Variants in SRSF3 observed in about 807,000 individuals in gnomAD.
SRSF3 encodes the protein serine/arginine-rich splicing factor 3.
For missense variants in SRSF3, 58 were observed against 217.1 expected (o/e 0.27, Z 4.61); for synonymous variants, 87 against 73.6 (o/e 1.18, Z -0.93).
intron 1 of SRSF3, among the ~76,000 whole-genome samples, chr6:36,594,963 C>T (rs1245928142): frequency 6.6e-6 from 1 of 152,156 alleles, no homozygotes; most frequent in South Asian, 2.1e-4. Context: ...GAAAGATCTT[C>T]CTTGAACTTA....
Position 36,603,698 on chromosome 6 carries a change from T to C in SRSF3, c.*1709T>C. On this transcript the variant is annotated 3_prime_UTR_variant, in exon 6 of 6. Transcript: ENST00000373715. ...GTTTATTTACTGAGAGCTCTGGCAT[T>C]GGGCATTTTGTCTTTAGTATTCTCA... 8.7e-6 allele frequency: 2 copies of C among 230,788 alleles called. No individual in the cohort carries two copies. Among genetic ancestry groups the C allele is most frequent in the East Asian group, 1.2e-4 (2 of 16,180 alleles). 14.3% of individuals were successfully genotyped at this position (230,788 alleles called of 1,614,324 possible).
Position 36,602,354 on chromosome 6 carries a change from AT to A in SRSF3, c.*368del, listed in dbSNP as rs1778731754. On this transcript the variant is annotated 3_prime_UTR_variant, in exon 6 of 6. Transcript: ENST00000373715. ...AACAACTGGCAAAAATTGAACTAAG[AT>A]TTACTTTTTTTTCCATAGCTGGGAT... is the stretch of plus-strand genomic sequence containing the variant. 1 of 266,464 alleles carries A rather than the reference AT, an allele frequency of 3.8e-6. No individual in the cohort carries two copies. The allele number at this position is 266,464 out of a possible 1,614,324, so 16.5% of individuals were successfully genotyped here.
At chr6:36,599,150 G>T (rs1228532765) in intron 3 of SRSF3, among the ~76,000 whole-genome samples, 167 bp downstream of exon 3, 2 of 152,140 alleles carry the variant, frequency 1.3e-5, no homozygotes, top group Non-Finnish European at 2.9e-5. Flanking sequence ...GCTGAGTGTT[G>T]GCTTTTGTCT....
In SRSF3 at chr6:36,601,994, C is replaced by T. The variant is rs201288408; in HGVS notation, c.*5C>T. The T allele has an allele frequency of 2.8e-5, 43 of 1,540,840 alleles. No homozygotes were observed. The Admixed American group carries it at 6.8e-4, about 24-fold the overall frequency. On this transcript the variant is annotated 3_prime_UTR_variant, in exon 6 of 6. Coordinates refer to ENST00000373715, the MANE Select transcript of SRSF3 (RefSeq NM_003017.5). ...AGGTCAAATGAAAGGAAATAGAAGA[C>T]AGTTTGCAAGAGAAGTGGTGTACAG... is the stretch of plus-strand genomic sequence containing the variant.
At chr6:36,595,488 T>TA (rs1284497892) in intron 1 of SRSF3, among the ~76,000 whole-genome samples, 2 of 152,206 alleles carry the variant, frequency 1.3e-5, no homozygotes, top group Non-Finnish European at 1.5e-5. Context: ...ATTGAGCACT[T>TA]ACTCCCAGAT....
intron 3 of SRSF3, chr6:36,600,388 G>GT (rs1778692501): frequency 1.6e-6 from 1 of 612,538 alleles, no homozygotes; most frequent in Non-Finnish European, 2.1e-6. Context: ...GAATGGTAAC[G>GT]TACATATATA....
intron 3 of SRSF3, chr6:36,599,984 G>A: frequency 3.1e-6 from 4 of 1,287,206 alleles, no homozygotes; most frequent in Non-Finnish European, 3.0e-6. Context: ...TGGTTCCCGA[G>A]CATGCTGTTT....
intron 3 of SRSF3, 51 bp from the exon 4 acceptor site, chr6:36,601,101 G>T: frequency 1.4e-6 from 2 of 1,440,118 alleles, no homozygotes; most frequent in Non-Finnish European, 1.9e-6. Flanking sequence ...AATGCCTCAC[G>T]CCATAAATAC....
intron 2 of SRSF3, among the ~76,000 whole-genome samples, chr6:36,597,396 G>T (rs142213392): frequency 4.1e-4 from 63 of 152,018 alleles, no homozygotes; most frequent in Admixed American, 9.2e-4. Context: ...GGGAGCCACT[G>T]TGCCCAGCCA....
At chr6:36,596,668 T>C (rs1778635593) in intron 1 of SRSF3, 93 bp from the exon 2 acceptor site, 2 of 1,167,568 alleles carry the variant, frequency 1.7e-6, no homozygotes, top group Non-Finnish European at 2.5e-6. Flanking sequence ...CCTTAAACTC[T>C]CTTGTCCTCT....
At position 36,605,307 on chromosome 6, in the gene SRSF3, T is replaced by C. The variant is rs922130376; in HGVS notation, c.*3318T>C. On this transcript the variant is annotated 3_prime_UTR_variant, in exon 6 of 6. Coordinates refer to ENST00000373715, the MANE Select transcript of SRSF3 (RefSeq NM_003017.5). ...GAGTTGGAGACCAGCTTGGTCAACA[T>C]GGTGAAACCCCGTCTCTACTAACAG... is the stretch of plus-strand genomic sequence containing the variant. 1.3e-5 allele frequency: 2 copies of C among 152,054 alleles called. No homozygotes were observed. The highest frequency in any genetic ancestry group is 4.8e-5 in the African/African-American group (2 of 41,378). The allele number at this position is 152,054 out of a possible 1,614,324, so 9.4% of individuals were successfully genotyped here.
chr6:36,603,697 T>C lies in SRSF3; in HGVS notation c.*1708T>C, dbSNP rs563588673. The C allele has an allele frequency of 4.3e-6, 1 of 230,644 alleles. No individual in the cohort carries two copies. The highest frequency in any genetic ancestry group is 2.2e-5 in the African/African-American group (1 of 45,334). The allele number at this position is 230,644 out of a possible 1,614,324, so 14.3% of individuals were successfully genotyped here. On this transcript the variant is annotated 3_prime_UTR_variant, in exon 6 of 6. Coordinates refer to ENST00000373715, the MANE Select transcript of SRSF3 (RefSeq NM_003017.5). ...TGTTTATTTACTGAGAGCTCTGGCATTGGGCATTTTGTCTTTAGTATTCTC... is the reference window on the plus strand; with the variant it reads ...TGTTTATTTACTGAGAGCTCTGGCACTGGGCATTTTGTCTTTAGTATTCTC...
intron 2 of SRSF3, chr6:36,597,188 C>T (rs1239839112): frequency 1.6e-5 from 9 of 560,964 alleles, no homozygotes; most frequent in Non-Finnish European, 2.5e-5. Context: ...TCCCCGCAAC[C>T]TCGGCCTCCG....
chr6:36,599,059 T>A, intron 3 of SRSF3, 76 bp downstream of exon 3: 2 of 1,540,104 alleles, frequency 1.3e-6, no homozygotes, highest in Non-Finnish European at 1.8e-6. Context: ...CTCTTAAGTT[T>A]GTTGGTGGGT....
chr6:36,595,669 C>A (rs767339457), intron 1 of SRSF3, among the ~76,000 whole-genome samples: 1 of 152,186 alleles, frequency 6.6e-6, no homozygotes, highest in Non-Finnish European at 1.5e-5. Flanking sequence ...GTCAGTACAT[C>A]ATTCTGAATA....
In SRSF3 at chr6:36,603,775, T is replaced by TA; in HGVS notation, c.*1787dup. On this transcript the variant is annotated 3_prime_UTR_variant, in exon 6 of 6. Transcript: ENST00000373715. ...GAACAAGCCAAGATAGCTAAGAAGTTACGGAAGCCATGCAATATGTCAATT... is the reference window on the plus strand; with the variant it reads ...GAACAAGCCAAGATAGCTAAGAAGTTAACGGAAGCCATGCAATATGTCAATT... 4.3e-6 allele frequency: 1 copy of TA among 231,584 alleles called. No homozygotes were observed. Among genetic ancestry groups the TA allele is most frequent in the Admixed American group, 5.6e-5 (1 of 17,740 alleles). 14.3% of individuals were successfully genotyped at this position (231,584 alleles called of 1,614,324 possible).
rs1051951968 is a variant in SRSF3, at chr6:36,603,133, A to G, written c.*1144A>G. Reference sequence around the variant, plus strand: ...CAGGGTCCATAATATTTAGTGACCAACATTTTAAAGTATAGCAGCAACCTG... The same window carrying G: ...CAGGGTCCATAATATTTAGTGACCAGCATTTTAAAGTATAGCAGCAACCTG... On this transcript the variant is annotated 3_prime_UTR_variant, in exon 6 of 6. Transcript: ENST00000373715. The G allele has an allele frequency of 1.3e-5, 3 of 224,428 alleles. No homozygotes were observed. Among genetic ancestry groups the G allele is most frequent in the Non-Finnish European group, 2.7e-5 (3 of 112,318 alleles). The allele number at this position is 224,428 out of a possible 1,614,324, so 13.9% of individuals were successfully genotyped here. A position where few individuals can be genotyped will look rare whatever the true frequency, so the allele number is the denominator to read the frequency against.
At chr6:36,594,550 TGGC>T (rs1470882831) in intron 1 of SRSF3, 69 bp downstream of exon 1, 2 of 152,250 alleles carry the variant, frequency 1.3e-5, no homozygotes, top group Non-Finnish European at 2.9e-5. Flanking sequence ...CCAGGCCCAA[TGGC>T]GGCGCCAGAT....
At position 36,603,156 on chromosome 6, in the gene SRSF3, C is replaced by T. The variant is rs1037996661; in HGVS notation, c.*1167C>T. On this transcript the variant is annotated 3_prime_UTR_variant, in exon 6 of 6. Transcript: ENST00000373715. Reference sequence around the variant, plus strand: ...CAACATTTTAAAGTATAGCAGCAACCTGGTTCTTAAACACAAAGTAAGTTG... The same window carrying T: ...CAACATTTTAAAGTATAGCAGCAACTTGGTTCTTAAACACAAAGTAAGTTG... The T allele has an allele frequency of 4.5e-6, 1 of 223,850 alleles. No individual in the cohort carries two copies. Among genetic ancestry groups the T allele is most frequent in the Non-Finnish European group, 8.9e-6 (1 of 112,016 alleles). The allele number at this position is 223,850 out of a possible 1,614,324, so 13.9% of individuals were successfully genotyped here. A position where few individuals can be genotyped will look rare whatever the true frequency, so the allele number is the denominator to read the frequency against.
Sources: gnomAD v4.1 joint callset for allele counts (sites outside exome capture counted in the v4.1 genomes callset) on GRCh38, gnomAD v4.1.1 for gene constraint, MANE v1.5 for transcripts, NCBI Gene and HGNC (gene_info 2026-07-23, HGNC 2026-07-21) for gene names.